The following UBE3D variants were observed in gnomAD, a reference collection of about 807,000 sequenced individuals.
The protein encoded by UBE3D is ubiquitin protein ligase E3D.
In UBE3D, 48 loss-of-function variants were observed where a neutral mutation model predicts 49.6. That is an observed-to-expected ratio of 0.97 (90% confidence interval 0.77 to 1.23). The LOEUF is 1.23. Among genes scored for constraint, UBE3D ranks in the 50% most tolerant of loss-of-function variants. The pLI is 0.00. For synonymous variants in UBE3D, 189 were observed against 174.2 expected (o/e 1.08, Z -0.67); for missense variants, 452 against 468.4 (o/e 0.96, Z 0.32).
intron 8 of UBE3D, chr6:83,018,351 C>G (rs1339797051): frequency 6.6e-6 from 1 of 152,178 alleles, no homozygotes; most frequent in African/African-American, 2.4e-5. Flanking sequence ...AAGAATCTTC[C>G]CTGACTTTGC....
chr6:83,024,022 A>C lies in UBE3D; in HGVS notation c.684T>G (p.Tyr228Ter). ...ETVSSETTKF[Y>*]MTEIIIQSSE... ...ATGACTGAATAATTATCTCTGTCATATAAAACTTGGTGGTTTCTAGAAACA... is the reference window on the plus strand; with the variant it reads ...ATGACTGAATAATTATCTCTGTCATCTAAAACTTGGTGGTTTCTAGAAACA... The change falls in exon 6 of 10, where the codon TAT becomes TAG. Residue 228 changes from tyrosine (Y) to a stop codon, truncating the protein, a stop_gained. Transcript: ENST00000369747. LOFTEE classifies it high-confidence loss of function. 1 of 1,532,738 alleles carries C rather than the reference A, an allele frequency of 6.5e-7. No homozygotes were observed. Among genetic ancestry groups the C allele is most frequent in the South Asian group, 1.3e-5 (1 of 75,068 alleles). The allele number at this position is 1,532,738 out of a possible 1,614,324, so 94.9% of individuals were successfully genotyped here. A position where few individuals can be genotyped will look rare whatever the true frequency, so the allele number is the denominator to read the frequency against.
intron 8 of UBE3D, among the ~76,000 whole-genome samples, chr6:82,998,233 C>G (rs765683026): frequency 2.6e-5 from 4 of 152,198 alleles, no homozygotes; most frequent in African/African-American, 4.8e-5. Flanking sequence ...GGTACATGCA[C>G]CTGGAAGGCT....
intron 2 of UBE3D, 70 bp downstream of exon 2, chr6:83,057,756 C>T: frequency 6.6e-7 from 1 of 1,521,584 alleles, no homozygotes; most frequent in Admixed American, 1.9e-5. Context: ...TTCAACTTAT[C>T]AAAGGAAAAA....
chr6:82,944,641 TA>T (rs1775266148), intron 9 of UBE3D, among the ~76,000 whole-genome samples: 1 of 152,200 alleles, frequency 6.6e-6, no homozygotes, highest in Admixed American at 6.5e-5. Flanking sequence ...CACAGTTGGG[TA>T]GAGCACAAAG....
downstream of UBE3D, among the ~76,000 whole-genome samples, chr6:82,891,308 G>A (rs535257083): frequency 6.6e-6 from 1 of 152,256 alleles, no homozygotes; most frequent in East Asian, 1.9e-4. Flanking sequence ...TAGAGGTCAG[G>A]GATGTTGCTA....
At chr6:83,057,680 T>C (rs1783897474) in intron 2 of UBE3D, 146 bp downstream of exon 2, 1 of 724,810 alleles carries the variant, frequency 1.4e-6, no homozygotes, top group African/African-American at 1.8e-5. Context: ...TTCAATTGCA[T>C]ACAGCCAATA....
intron 9 of UBE3D, among the ~76,000 whole-genome samples, chr6:82,931,832 A>G (rs1297329384): frequency 2.6e-5 from 4 of 152,150 alleles, no homozygotes; most frequent in African/African-American, 9.7e-5. Context: ...ATGTGAGTAC[A>G]TGAGATCTGG....
chr6:83,005,664 C>T (rs1380051408), intron 8 of UBE3D, among the ~76,000 whole-genome samples: 3 of 151,054 alleles, frequency 2.0e-5, no homozygotes, highest in Non-Finnish European at 4.4e-5. Flanking sequence ...GCAAACAGGG[C>T]CTCAAAGAGA....
intron 9 of UBE3D, among the ~76,000 whole-genome samples, chr6:82,899,941 A>C (rs981799625): frequency 6.6e-6 from 1 of 152,206 alleles, no homozygotes; most frequent in Non-Finnish European, 1.5e-5. Flanking sequence ...AGCACAAAAC[A>C]TTTGTAAGGA....
intron 5 of UBE3D, among the ~76,000 whole-genome samples, chr6:83,029,677 C>T (rs1781728931): frequency 6.6e-6 from 1 of 152,120 alleles, no homozygotes; most frequent in African/African-American, 2.4e-5. Flanking sequence ...ACATTGTGTG[C>T]AATATGTTGT....
intron 7 of UBE3D, among the ~76,000 whole-genome samples, chr6:83,020,341 G>GTTTTTTTTTTTT (rs11341564): frequency 1.4e-5 from 2 of 141,270 alleles, no homozygotes; most frequent in African/African-American, 5.2e-5. Flanking sequence ...ATGTGATACT[G>GTTTTTTTTTTTT]TTTTTTTTTT....
chr6:82,963,531 C>G (rs1048542138), intron 8 of UBE3D, among the ~76,000 whole-genome samples: 3 of 152,100 alleles, frequency 2.0e-5, no homozygotes, highest in African/African-American at 7.2e-5. Context: ...GTCCCAAAGC[C>G]GAAGAACTTG....
intron 1 of UBE3D, among the ~76,000 whole-genome samples, chr6:83,060,835 C>A (rs1236424448): frequency 6.6e-6 from 1 of 152,024 alleles, no homozygotes; most frequent in East Asian, 1.9e-4. Context: ...AAAAGTAGCC[C>A]ATTGAATAAA....
intron 8 of UBE3D, among the ~76,000 whole-genome samples, chr6:82,988,342 T>G (rs1294032360): frequency 6.6e-6 from 1 of 152,190 alleles, no homozygotes; most frequent in African/African-American, 2.4e-5. Context: ...TCTGGAACTT[T>G]TCTGTAAATT....
intron 3 of UBE3D, among the ~76,000 whole-genome samples, chr6:83,052,318 A>G (rs753401404): frequency 3.5e-4 from 53 of 152,262 alleles, no homozygotes; most frequent in Admixed American, 5.9e-4. Context: ...TGCACTCTCA[A>G]AAGAGTAGGG....
chr6:83,060,638 A>G (rs1444213368), intron 1 of UBE3D, among the ~76,000 whole-genome samples: 1 of 152,164 alleles, frequency 6.6e-6, no homozygotes, highest in Non-Finnish European at 1.5e-5. Flanking sequence ...AACGAAATGA[A>G]CAAACCAGAA....
At chr6:82,924,880 T>C (rs937362455) in intron 9 of UBE3D, 2 of 152,192 alleles carry the variant, frequency 1.3e-5, no homozygotes, top group East Asian at 3.9e-4. Flanking sequence ...TTTCTGGTCA[T>C]GCTTTTCCTA....
At chr6:82,915,670 T>A (rs1772865932) in intron 9 of UBE3D, among the ~76,000 whole-genome samples, 1 of 152,194 alleles carries the variant, frequency 6.6e-6, no homozygotes, top group African/African-American at 2.4e-5. Context: ...TTATAATTTT[T>A]AAAGATATTC....
chr6:82,941,415 T>C (rs549819664), intron 9 of UBE3D, among the ~76,000 whole-genome samples: 1 of 152,236 alleles, frequency 6.6e-6, no homozygotes, highest in Admixed American at 6.5e-5. Context: ...AGGTCATTTA[T>C]GTAGTACAAT....
Sources: gnomAD v4.1 joint callset for allele counts (sites outside exome capture counted in the v4.1 genomes callset) on GRCh38, gnomAD v4.1.1 for gene constraint, MANE v1.5 for transcripts, NCBI Gene and HGNC (gene_info 2026-07-23, HGNC 2026-07-21) for gene names.